The following FLACC1 variants were observed in gnomAD, a reference collection of about 807,000 sequenced individuals.
The protein encoded by FLACC1 is flagellum associated containing coiled-coil domains 1.
In FLACC1, 66 loss-of-function variants were observed where a neutral mutation model predicts 62.8. The observed-to-expected ratio is 1.05, with a 90% CI of 0.86 to 1.29. The LOEUF is 1.29. FLACC1 is among the 50% of genes most tolerant of loss of function. The probability of loss-of-function intolerance (pLI) is 0.00; values close to 1 mark genes in which losing one functional copy is unlikely to be tolerated. For missense variants in FLACC1, 452 were observed against 489.1 expected (o/e 0.92, Z 0.71); for synonymous variants, 156 against 161.0 (o/e 0.97, Z 0.24).
chr2:201,303,259 T>C (rs1950027412), intron 11 of FLACC1, among the ~76,000 whole-genome samples: 1 of 151,990 alleles, frequency 6.6e-6, no homozygotes, highest in South Asian at 2.1e-4. Flanking sequence ...TCACCACCGA[T>C]CCCACAGAGA....
chr2:201,348,128 G>A, intron 4 of FLACC1, 126 bp downstream of exon 4: 1 of 921,902 alleles, frequency 1.1e-6, no homozygotes, highest in East Asian at 2.9e-5. Context: ...AATATTAACA[G>A]CACCTCCTCC....
chr2:201,301,417 A>G (rs1559388629), intron 11 of FLACC1, among the ~76,000 whole-genome samples: 1 of 152,238 alleles, frequency 6.6e-6, no homozygotes, highest in Non-Finnish European at 1.5e-5. Flanking sequence ...GCCTCCAAGA[A>G]ATATGGGACT....
At chr2:201,295,159 CTACTT>C (rs891154823) in intron 12 of FLACC1, among the ~76,000 whole-genome samples, 1 of 152,190 alleles carries the variant, frequency 6.6e-6, no homozygotes, top group African/African-American at 2.4e-5. Flanking sequence ...TTGGAAAAAA[CTACTT>C]TAAAGTTCAT....
intron 11 of FLACC1, among the ~76,000 whole-genome samples, chr2:201,301,710 C>A (rs537198424): frequency 2.3e-3 from 350 of 151,482 alleles, no homozygotes; most frequent in Middle Eastern, 0.01. Context: ...AAAGGGAAGC[C>A]CATCAGACTA....
upstream of FLACC1, among the ~76,000 whole-genome samples, chr2:201,360,486 T>A (rs1392906757): frequency 6.6e-6 from 1 of 152,214 alleles, no homozygotes; most frequent in East Asian, 1.9e-4. Flanking sequence ...TGTGGCTCTA[T>A]GAGAACACTC....
rs181168878 is a variant in FLACC1 at position 201,327,351 on chromosome 2, A to C, written c.675+3119T>G. Among the ~76,000 whole-genome samples the C allele has an allele frequency of 6.6e-5, 10 of 152,334 alleles. No individual in the cohort carries two copies. In the East Asian group the frequency reaches 1.9e-3, roughly 29 times the overall value. ...TAATTAAACTAAAAAGCTTCTGTAC[A>C]GCAAAAGAAATAATAAACAGACAAC... On this transcript the variant is annotated intron_variant, in intron 9 of 14. Transcript: ENST00000392257.
chr2:201,356,304 G>A (rs1318790155), intron 1 of FLACC1, among the ~76,000 whole-genome samples: 1 of 152,080 alleles, frequency 6.6e-6, no homozygotes, highest in Non-Finnish European at 1.5e-5. Context: ...GGAATTACAG[G>A]CACCCGCCAC....
At chr2:201,363,091 C>T in the FLACC1 span, among the ~76,000 whole-genome samples, 7 of 152,140 alleles carry the variant, frequency 4.6e-5, no homozygotes, top group Non-Finnish European at 8.8e-5. Context: ...GCTCCACCCT[C>T]AGGCAGAAAT....
At chr2:201,290,785 GAAAGGGGTGACA>G (rs1949715928) in intron 12 of FLACC1, among the ~76,000 whole-genome samples, 1 of 152,190 alleles carries the variant, frequency 6.6e-6, no homozygotes, top group Admixed American at 6.5e-5. Context: ...CCTAGCCAAG[GAAAGGGGTGACA>G]GATGGCACCT....
At chr2:201,295,836 T>C (rs1949848859) in intron 12 of FLACC1, among the ~76,000 whole-genome samples, 1 of 152,032 alleles carries the variant, frequency 6.6e-6, no homozygotes, top group Admixed American at 6.5e-5. Flanking sequence ...AACAACCCCA[T>C]GAACAAGTGG....
intron 7 of FLACC1, among the ~76,000 whole-genome samples, chr2:201,338,675 T>C (rs1182313734): frequency 1.3e-5 from 2 of 152,200 alleles, no homozygotes; most frequent in African/African-American, 4.8e-5. Context: ...ATCACATGAT[T>C]TTTGTCCTTC....
rs538256879 is a variant in FLACC1 at position 201,296,213 on chromosome 2, G to A, written c.942+3025C>T. On this transcript the variant is annotated intron_variant, in intron 12 of 14. Coordinates refer to ENST00000392257, the MANE Select transcript of FLACC1 (RefSeq NM_001127391.3). ...TGCTGCTATAAAGACACATGCACAC[G>A]TATGTTTATTGCGGCACTACTCACA... is the stretch of plus-strand genomic sequence containing the variant. Among the ~76,000 whole-genome samples, 37 of 152,166 alleles carry A rather than the reference G, an allele frequency of 2.4e-4. 1 individual carries two copies. The highest frequency in any genetic ancestry group is 2.1e-4 in the South Asian group (1 of 4,814).
intron 3 of FLACC1, among the ~76,000 whole-genome samples, chr2:201,349,656 C>T (rs185118701): frequency 1.3e-5 from 2 of 152,316 alleles, no homozygotes; most frequent in East Asian, 3.9e-4. Flanking sequence ...AACTAAGGTA[C>T]ATTTCTAAGC....
intron 9 of FLACC1, among the ~76,000 whole-genome samples, chr2:201,330,076 T>G (rs1366315049): frequency 6.6e-6 from 1 of 152,220 alleles, no homozygotes; most frequent in African/African-American, 2.4e-5. Flanking sequence ...AAGTTTCTTA[T>G]ATGCTTGATA....
chr2:201,348,879 A>G (rs1049628763), intron 3 of FLACC1, among the ~76,000 whole-genome samples: 1 of 152,176 alleles, frequency 6.6e-6, no homozygotes, highest in East Asian at 1.9e-4. Context: ...CAAAGCCAGC[A>G]GCAATTGCAT....
intron 7 of FLACC1, among the ~76,000 whole-genome samples, chr2:201,338,931 A>G (rs1559414016): frequency 6.6e-6 from 1 of 152,198 alleles, no homozygotes; most frequent in African/African-American, 2.4e-5. Context: ...GCCTCACAGA[A>G]TAAGTAAGGG....
At chr2:201,309,117 T>C (rs1448532253) in intron 10 of FLACC1, 34 bp downstream of exon 10, 1 of 1,572,360 alleles carries the variant, frequency 6.4e-7, no homozygotes, top group South Asian at 1.1e-5. Flanking sequence ...TTTAATGCAC[T>C]TGTCATCAAA....
chr2:201,318,586 A>T (rs1364627796), intron 9 of FLACC1, among the ~76,000 whole-genome samples: 1 of 142,248 alleles, frequency 7.0e-6, no homozygotes, highest in African/African-American at 2.5e-5. Context: ...ATCAAAAAAT[A>T]AAAAAAAAAT....
At chr2:201,328,325 A>T (rs1344568866) in intron 9 of FLACC1, among the ~76,000 whole-genome samples, 2 of 152,182 alleles carry the variant, frequency 1.3e-5, no homozygotes, top group African/African-American at 2.4e-5. Context: ...AAACTTTTTT[A>T]AAAACCCCAA....
Sources: allele counts gnomAD v4.1 joint callset (sites outside exome capture counted in the v4.1 genomes callset), GRCh38; gene constraint gnomAD v4.1.1; transcripts MANE v1.5; gene names NCBI Gene and HGNC (gene_info 2026-07-23, HGNC 2026-07-21).